Variants in SNX29 observed in about 807,000 individuals in gnomAD.
SNX29 encodes the protein sorting nexin-29.
Under a neutral mutation model 102.1 loss-of-function variants are expected in SNX29, and 78 were observed. The observed-to-expected ratio is 0.76, with a 90% CI of 0.64 to 0.92. The LOEUF (loss-of-function observed/expected upper bound fraction) is 0.92, where lower values mean the gene tolerates loss of function less well. SNX29 is among the 40% of genes least tolerant of loss of function. The probability of loss-of-function intolerance (pLI) is 0.00; values close to 1 mark genes in which losing one functional copy is unlikely to be tolerated. For synonymous variants in SNX29, 580 were observed against 414.5 expected, an observed-to-expected ratio of 1.40 and a Z score of -4.85; for missense variants, 1,280 against 1,061.7, an observed-to-expected ratio of 1.21 and a Z score of -2.86.
chr16:12,175,402 G>T (rs893974021), intron 13 of SNX29, among the ~76,000 whole-genome samples: 3 of 152,140 alleles, frequency 2.0e-5, no homozygotes, highest in African/African-American at 7.2e-5. Flanking sequence ...ACCATGGCAG[G>T]TGGATCACTT....
chr16:12,124,375 T>C lies in SNX29; in HGVS notation c.1403-2258T>C, dbSNP rs183688877. On this transcript the variant is annotated intron_variant, in intron 11 of 20. Transcript: ENST00000566228. ...CGTCTCAAAAAAAAAAAAAAACTGA[T>C]ATTCTTTCTACACTGCCAGTTTACT... Among the ~76,000 whole-genome samples, 437 of 150,614 alleles carry C rather than the reference T, an allele frequency of 2.9e-3. 1 individual carries two copies. Among genetic ancestry groups the C allele is most frequent in the African/African-American group, 0.01 (415 of 40,824 alleles).
intron 14 of SNX29, among the ~76,000 whole-genome samples, chr16:12,230,996 A>G (rs897741568): frequency 6.6e-6 from 1 of 151,956 alleles, no homozygotes; most frequent in Non-Finnish European, 1.5e-5. Flanking sequence ...ATCTGTAGGC[A>G]TGTACCACCA....
At chr16:12,247,329 A>G (rs1043995863) in intron 14 of SNX29, among the ~76,000 whole-genome samples, 2 of 152,200 alleles carry the variant, frequency 1.3e-5, no homozygotes, top group African/African-American at 4.8e-5. Context: ...GCATTTTTCG[A>G]CAAAACTCTA....
At chr16:12,251,657 C>T (rs1280782088) in intron 14 of SNX29, among the ~76,000 whole-genome samples, 1 of 152,226 alleles carries the variant, frequency 6.6e-6, no homozygotes, top group African/African-American at 2.4e-5. Context: ...GAGCTGAGAT[C>T]GTGCCATTGC....
intron 20 of SNX29, among the ~76,000 whole-genome samples, chr16:12,562,747 CCTT>C (rs1487792954): frequency 6.6e-6 from 1 of 152,104 alleles, no homozygotes; most frequent in African/African-American, 2.4e-5. Context: ...TGGCATAGTT[CCTT>C]GAGTTTTCAC....
At chr16:12,177,220 G>C (rs1194290217) in intron 13 of SNX29, among the ~76,000 whole-genome samples, 1 of 152,148 alleles carries the variant, frequency 6.6e-6, no homozygotes, top group Non-Finnish European at 1.5e-5. Context: ...CCAAAGTGCT[G>C]GGATTATGGG....
intron 20 of SNX29, among the ~76,000 whole-genome samples, chr16:12,558,759 G>A (rs1325143771): frequency 6.6e-6 from 1 of 152,210 alleles, no homozygotes; most frequent in Non-Finnish European, 1.5e-5. Flanking sequence ...GGCCCATTGG[G>A]TGATCATCCC....
chr16:12,368,868 C>T (rs1402991630), intron 16 of SNX29, among the ~76,000 whole-genome samples: 1 of 152,204 alleles, frequency 6.6e-6, no homozygotes, highest in Non-Finnish European at 1.5e-5. Flanking sequence ...TAGTTACCAC[C>T]CATTCCTTCT....
At chr16:12,374,780 C>A (rs564646001) in intron 16 of SNX29, 1 of 152,136 alleles carries the variant, frequency 6.6e-6, no homozygotes, top group Non-Finnish European at 1.5e-5. Context: ...AGAATCTCTT[C>A]AATGGGACCT....
chr16:12,192,347 C>T lies in SNX29; in HGVS notation c.1596-7254C>T, dbSNP rs552175835. On this transcript the variant is annotated intron_variant, in intron 13 of 20. Coordinates refer to ENST00000566228, the MANE Select transcript of SNX29 (RefSeq NM_032167.5). The stretch of plus-strand genomic sequence containing the variant: ...AGGCGAATATTTGAATACTTGTCTC[C>T]ATGTGCACGGCTACCTCTTCGGTCC... Among the ~76,000 whole-genome samples, 19 of 152,308 alleles carry T rather than the reference C, an allele frequency of 1.2e-4. No individual in the cohort carries two copies. In the South Asian group the frequency reaches 2.3e-3, roughly 18 times the overall value.
At chr16:12,497,240 G>T (rs757925067) in intron 19 of SNX29, among the ~76,000 whole-genome samples, 2 of 152,202 alleles carry the variant, frequency 1.3e-5, no homozygotes, top group African/African-American at 4.8e-5. Context: ...TAAACGAAAA[G>T]CTTCATTAAT....
intron 11 of SNX29, among the ~76,000 whole-genome samples, chr16:12,100,434 C>T (rs767244699): frequency 6.6e-6 from 1 of 152,124 alleles, no homozygotes; most frequent in Non-Finnish European, 1.5e-5. Flanking sequence ...AAACCCGCTG[C>T]TCTAGGAATC....
intron 19 of SNX29, among the ~76,000 whole-genome samples, chr16:12,496,222 A>G (rs2088814456): frequency 1.3e-5 from 2 of 152,352 alleles, no homozygotes; most frequent in African/African-American, 4.8e-5. Context: ...TGTGCCTTGC[A>G]CAAAGTTGTG....
At chr16:12,523,418 C>T (rs1168453831) in intron 19 of SNX29, among the ~76,000 whole-genome samples, 1 of 152,230 alleles carries the variant, frequency 6.6e-6, no homozygotes, top group Non-Finnish European at 1.5e-5. Flanking sequence ...CTTGCTTGGT[C>T]TTCGGTCCAG....
rs1321636045 is a variant in SNX29, at chr16:12,461,976, AAAATATATATATATATATATAT to A, written c.2038-15741_2038-15720del. ...GTCTCAAAAAAAAAAAAAAAAAAAA[AAAATATATATATATATATATAT>A]ATATATATATATATGTATACACACA... On this transcript the variant is annotated intron_variant, in intron 18 of 20. Transcript: ENST00000566228. Among the ~76,000 whole-genome samples the A allele has an allele frequency of 9.2e-5, 4 of 43,468 alleles. No individual in the cohort carries two copies. The East Asian group carries it at 3.3e-3, about 35-fold the overall frequency. The allele number at this position is 43,468 out of a possible 152,430, so 28.5% of individuals were successfully genotyped here. A position where few individuals can be genotyped will look rare whatever the true frequency, so the allele number is the denominator to read the frequency against.
chr16:12,405,387 A>C (rs1374981707), intron 18 of SNX29, among the ~76,000 whole-genome samples: 2 of 151,308 alleles, frequency 1.3e-5, no homozygotes, highest in African/African-American at 4.9e-5. Flanking sequence ...CAGTGAAGCC[A>C]CTCTCTCCCC....
At chr16:12,533,887 C>G (rs4781247) in intron 20 of SNX29, among the ~76,000 whole-genome samples, 3 of 152,204 alleles carry the variant, frequency 2.0e-5, no homozygotes, top group Admixed American at 6.5e-5. Flanking sequence ...TTGACCTTTT[C>G]AAGACGTGGC....
intron 17 of SNX29, 82 bp downstream of exon 17, chr16:12,398,583 G>A: frequency 1.3e-6 from 2 of 1,508,220 alleles, no homozygotes; most frequent in Non-Finnish European, 9.2e-7. Context: ...GACCACAGGG[G>A]GAAACAGAAA....
intron 15 of SNX29, among the ~76,000 whole-genome samples, chr16:12,294,073 A>AC (rs1183812398): frequency 6.6e-6 from 1 of 152,182 alleles, no homozygotes; most frequent in Non-Finnish European, 1.5e-5. Context: ...GAATCCAAAC[A>AC]CCAGGAGATG....
Sources: allele counts gnomAD v4.1 joint callset (sites outside exome capture counted in the v4.1 genomes callset), GRCh38; gene constraint gnomAD v4.1.1; transcripts MANE v1.5; gene names NCBI Gene and HGNC (gene_info 2026-07-23, HGNC 2026-07-21).